Variants in LMNB1 observed in about 807,000 individuals in gnomAD.
LMNB1 encodes lamin-B1.
A neutral mutation model predicts 67.1 loss-of-function variants in LMNB1; 23 were observed. The ratio of observed to expected loss-of-function variants is 0.34; its 90% CI spans 0.25 to 0.49. The LOEUF (loss-of-function observed/expected upper bound fraction) is 0.49, where lower values mean the gene tolerates loss of function less well. LMNB1 is among the 20% of genes least tolerant of loss of function. LMNB1 has a pLI of 0.99. For synonymous variants in LMNB1, 281 were observed against 282.9 expected, an observed-to-expected ratio of 0.99 and a Z score of 0.07; for missense variants, 634 against 746.5, an observed-to-expected ratio of 0.85 and a Z score of 1.76.
At chr5:126,788,307 G>A (rs1044198641) in intron 1 of LMNB1, among the ~76,000 whole-genome samples, 3 of 79,778 alleles carry the variant, frequency 3.8e-5, no homozygotes, top group African/African-American at 6.9e-5. Flanking sequence ...TGAGGACTGG[G>A]TAGAGAAAGG....
intron 1 of LMNB1, among the ~76,000 whole-genome samples, chr5:126,792,397 A>C (rs976930781): frequency 6.6e-6 from 1 of 151,650 alleles, no homozygotes; most frequent in African/African-American, 2.4e-5. Context: ...CCTGCCTCCC[A>C]AAGTGCTGGG....
At position 126,836,653 on chromosome 5, in the gene LMNB1, A is replaced by T. The variant is rs1167877168; in HGVS notation, c.*389A>T. 2.7e-6 allele frequency: 1 copy of T among 369,440 alleles called. No homozygotes were observed. Among genetic ancestry groups the T allele is most frequent in the Non-Finnish European group, 4.8e-6 (1 of 209,688 alleles). The allele number at this position is 369,440 out of a possible 1,614,324, so 22.9% of individuals were successfully genotyped here. On this transcript the variant is annotated 3_prime_UTR_variant, in exon 11 of 11. Coordinates refer to ENST00000261366, the MANE Select transcript of LMNB1 (RefSeq NM_005573.4). ...CATCTAGACTAGCAATCTCTTCATT[A>T]TTCTCTGCTATATATAAAACGGTGC...
chr5:126,799,648 T>C (rs1035037227), intron 1 of LMNB1, among the ~76,000 whole-genome samples: 1 of 152,202 alleles, frequency 6.6e-6, no homozygotes, highest in South Asian at 2.1e-4. Flanking sequence ...CCCTGTCTTA[T>C]TTATTTATCT....
intron 5 of LMNB1, 116 bp downstream of exon 5, chr5:126,812,014 G>A: frequency 2.0e-6 from 2 of 986,818 alleles, no homozygotes; most frequent in Non-Finnish European, 3.0e-6. Flanking sequence ...AGAGGATGGT[G>A]TCATCCTGTG....
At chr5:126,814,183 C>T (rs181078924) in intron 5 of LMNB1, among the ~76,000 whole-genome samples, 3 of 152,236 alleles carry the variant, frequency 2.0e-5, no homozygotes, top group Non-Finnish European at 4.4e-5. Flanking sequence ...GCGTGAGCCA[C>T]TGCACCTGGC....
intron 6 of LMNB1, 89 bp from the exon 7 acceptor site, chr5:126,820,821 C>T (rs1751848205): frequency 2.9e-6 from 3 of 1,034,322 alleles, no homozygotes; most frequent in Admixed American, 2.3e-5. Flanking sequence ...AGCCTCTGTG[C>T]CCAGCCCTTG....
intron 1 of LMNB1, among the ~76,000 whole-genome samples, chr5:126,799,459 G>A (rs910450051): frequency 1.3e-5 from 2 of 152,226 alleles, no homozygotes; most frequent in African/African-American, 4.8e-5. Context: ...TCCCAGTGCA[G>A]GTAGCCCCAC....
At chr5:126,800,869 C>T (rs1268513270) in intron 1 of LMNB1, among the ~76,000 whole-genome samples, 1 of 139,874 alleles carries the variant, frequency 7.1e-6, no homozygotes, top group African/African-American at 2.7e-5. Flanking sequence ...TCAGGCTGGT[C>T]TTGACCTCCC....
At chr5:126,812,696 CAT>C (rs1328700727) in intron 5 of LMNB1, among the ~76,000 whole-genome samples, 1 of 148,482 alleles carries the variant, frequency 6.7e-6, no homozygotes, top group Non-Finnish European at 1.5e-5. Context: ...GAATTTTCCA[CAT>C]GAGAATAAAC....
At chr5:126,825,870 A>C in intron 8 of LMNB1, 118 bp from the exon 9 acceptor site, 1 of 1,387,194 alleles carries the variant, frequency 7.2e-7, no homozygotes, top group South Asian at 1.2e-5. Context: ...AGCACTCTGT[A>C]GCTGGGGCAT....
chr5:126,787,546 A>ATATATATTTTT, intron 1 of LMNB1, among the ~76,000 whole-genome samples: 7 of 65,564 alleles, frequency 1.1e-4, no homozygotes, highest in Non-Finnish European at 1.4e-4. Context: ...ATATATATAT[A>ATATATATTTTT]TTTTTTTTTT....
chr5:126,778,525 C>G (rs1482241778), intron 1 of LMNB1, among the ~76,000 whole-genome samples: 1 of 152,200 alleles, frequency 6.6e-6, no homozygotes, highest in African/African-American at 2.4e-5. Flanking sequence ...CCGTGCGCCT[C>G]CAGCCAGCCC....
At chr5:126,827,078 C>G (rs1170527607) in intron 9 of LMNB1, among the ~76,000 whole-genome samples, 1 of 152,180 alleles carries the variant, frequency 6.6e-6, no homozygotes, top group Non-Finnish European at 1.5e-5. Context: ...TTGTACCTTA[C>G]AACCTGACTG....
At chr5:126,799,086 C>T (rs1282410035) in intron 1 of LMNB1, among the ~76,000 whole-genome samples, 3 of 149,058 alleles carry the variant, frequency 2.0e-5, no homozygotes, top group South Asian at 2.1e-4. Flanking sequence ...GGCGCAATCT[C>T]GGCTCACTGC....
intron 7 of LMNB1, among the ~76,000 whole-genome samples, chr5:126,821,428 T>C (rs1310322710): frequency 1.3e-5 from 2 of 152,160 alleles, no homozygotes; most frequent in Non-Finnish European, 2.9e-5. Context: ...GAGTTATTAT[T>C]ATTCTCTGCC....
At chr5:126,829,091 G>T (rs1462165332) in intron 9 of LMNB1, among the ~76,000 whole-genome samples, 1 of 151,582 alleles carries the variant, frequency 6.6e-6, no homozygotes, top group Non-Finnish European at 1.5e-5. Flanking sequence ...AGACCAGTTT[G>T]CAGTAAGATT....
At chr5:126,785,168 A>G (rs1329169989) in intron 1 of LMNB1, among the ~76,000 whole-genome samples, 1 of 137,698 alleles carries the variant, frequency 7.3e-6, no homozygotes, top group Non-Finnish European at 1.6e-5. Context: ...TTTAATTTCT[A>G]GTAGAAACGG....
At chr5:126,778,163 C>T (rs1419287600) in intron 1 of LMNB1, among the ~76,000 whole-genome samples, 1 of 152,094 alleles carries the variant, frequency 6.6e-6, no homozygotes, top group Non-Finnish European at 1.5e-5. Context: ...AAGGAGCTCC[C>T]GCTTTCGCAC....
At chr5:126,812,023 T>A (rs1751590484) in intron 5 of LMNB1, 125 bp downstream of exon 5, 1 of 886,660 alleles carries the variant, frequency 1.1e-6, no homozygotes, top group African/African-American at 1.7e-5. Context: ...TGTCATCCTG[T>A]GCTTTCGTCT....
Sources: gnomAD v4.1 joint callset for allele counts (sites outside exome capture counted in the v4.1 genomes callset) on GRCh38, gnomAD v4.1.1 for gene constraint, MANE v1.5 for transcripts, NCBI Gene and HGNC (gene_info 2026-07-23, HGNC 2026-07-21) for gene names.